DDX24: variants seen among roughly 807,000 people sequenced by gnomAD.
DDX24 encodes ATP-dependent RNA helicase DDX24.
In DDX24, 24 loss-of-function variants were observed where a neutral mutation model predicts 68.9. The ratio of observed to expected loss-of-function variants is 0.35; its 90% CI spans 0.25 to 0.49. The LOEUF is 0.49. Among genes scored for constraint, DDX24 ranks in the 20% least tolerant of loss-of-function variants. DDX24 has a pLI of 0.99. For missense variants in DDX24, 989 were observed against 1,039.0 expected (o/e 0.95, Z 0.66); for synonymous variants, 395 against 385.2 (o/e 1.03, Z -0.30).
At chr14:94,070,164 G>A (rs1482506294) in intron 2 of DDX24, among the ~76,000 whole-genome samples, 1 of 152,020 alleles carries the variant, frequency 6.6e-6, no homozygotes, top group East Asian at 1.9e-4. Flanking sequence ...ATTCAGCAAA[G>A]TTTCCGGATA....
chr14:94,079,621 T>G lies in DDX24; in HGVS notation c.122A>C (p.Asp41Ala). 1 of 1,614,168 alleles carries G rather than the reference T, an allele frequency of 6.2e-7. No individual in the cohort carries two copies. Among genetic ancestry groups the G allele is most frequent in the Non-Finnish European group, 8.5e-7 (1 of 1,180,038 alleles). The change falls in exon 2 of 9, where the codon GAT (aspartate) becomes GCT (alanine). Residue 41 changes from aspartate to alanine, a missense_variant. Around this residue, in one of 3 missense-constraint regions of DDX24, gnomAD observed 295 missense variants for 263.0 expected, o/e 1.12. Coordinates refer to ENST00000621632, the MANE Select transcript of DDX24 (RefSeq NM_020414.4). ...GCACACCAAGTCATCCATCTGTCCA[T>G]CTGCAAACATATTTGGGTCAATCTT... ...EVKIDPNMFADGQMDDLVCFE... is the reference protein window; with the variant it reads ...EVKIDPNMFAAGQMDDLVCFE...
chr14:94,077,087 A>G (rs1350854590), intron 2 of DDX24, among the ~76,000 whole-genome samples: 1 of 152,254 alleles, frequency 6.6e-6, no homozygotes, highest in Non-Finnish European at 1.5e-5. Flanking sequence ...AAAGTATATA[A>G]TACAAAATAT....
chr14:94,060,503 G>C lies in DDX24; in HGVS notation c.1508C>G (p.Thr503Arg). 6.2e-7 allele frequency: 1 copy of C among 1,614,114 alleles called. No homozygotes were observed. Among genetic ancestry groups the C allele is most frequent in the Non-Finnish European group, 8.5e-7 (1 of 1,180,026 alleles). Reference protein sequence around the residue: ...NDSQYNPKRQTLVFSATLTLV... With the variant: ...NDSQYNPKRQRLVFSATLTLV... ...GGTGAGTGTGGCAGAAAAAACAAGCGTTTGTCTCTTTGGGTTGTATTGGGA... is the reference window on the plus strand; with the variant it reads ...GGTGAGTGTGGCAGAAAAAACAAGCCTTTGTCTCTTTGGGTTGTATTGGGA... The change falls in exon 5 of 9, where the codon ACG becomes AGG. Residue 503 changes from threonine to arginine, a missense_variant. Thr to Arg is a moderately conservative substitution (Grantham distance 71). Around this residue, in one of 3 missense-constraint regions of DDX24, gnomAD observed 691 missense variants for 760.0 expected, o/e 0.91. Transcript: ENST00000621632.
chr14:94,080,140 G>A (rs1242957245), intron 1 of DDX24, among the ~76,000 whole-genome samples: 2 of 152,182 alleles, frequency 1.3e-5, no homozygotes, highest in Non-Finnish European at 2.9e-5. Context: ...AAGCACGGAG[G>A]ATGAAACCTG....
intron 5 of DDX24, among the ~76,000 whole-genome samples, chr14:94,058,658 A>G (rs184704950): frequency 6.6e-6 from 1 of 152,328 alleles, no homozygotes; most frequent in East Asian, 1.9e-4. Flanking sequence ...ATGGAAAGTC[A>G]AAAGTACTTG....
chr14:94,072,329 T>C (rs889866029), intron 2 of DDX24, among the ~76,000 whole-genome samples: 1 of 152,208 alleles, frequency 6.6e-6, no homozygotes, highest in African/African-American at 2.4e-5. Context: ...GAGACTATTA[T>C]TCTAAGTGAG....
At chr14:94,069,489 G>C (rs1188126245) in intron 2 of DDX24, among the ~76,000 whole-genome samples, 1 of 152,050 alleles carries the variant, frequency 6.6e-6, no homozygotes, top group Admixed American at 6.5e-5. Context: ...GAGAAAGAAG[G>C]AACCCTCCCT....
chr14:94,081,096 AC>A (rs1211649625), intron 1 of DDX24, 22 bp downstream of exon 1: 2 of 152,166 alleles, frequency 1.3e-5, no homozygotes, highest in African/African-American at 4.8e-5. Flanking sequence ...GTCGGCTCCA[AC>A]CCCGCTCGTT....
intron 5 of DDX24, among the ~76,000 whole-genome samples, chr14:94,059,181 G>A (rs2141424800): frequency 6.6e-6 from 1 of 152,330 alleles, no homozygotes; most frequent in Non-Finnish European, 1.5e-5. Flanking sequence ...TTAAAAACCA[G>A]TAAATCAAAC....
In DDX24 at chr14:94,062,314, A is replaced by G. The variant is rs777767416; in HGVS notation, c.1026T>C (p.Ser342=). 5 of 1,614,232 alleles carry G rather than the reference A, an allele frequency of 3.1e-6. No homozygotes were observed. Among genetic ancestry groups the G allele is most frequent in the Middle Eastern group, 1.6e-4 (1 of 6,062 alleles). The change falls in exon 3 of 9, where the codon TCT becomes TCC. Residue 342 remains serine (S), a synonymous_variant. Coordinates refer to ENST00000621632, the MANE Select transcript of DDX24 (RefSeq NM_020414.4). ...GAACAGGTTTCTCCCTGATCAGGGAAGAAGGCCCTTCACCAGCATCATCGT... is the reference window on the plus strand; with the variant it reads ...GAACAGGTTTCTCCCTGATCAGGGAGGAAGGCCCTTCACCAGCATCATCGT... The part of the protein sequence containing the change: ...FGDDDAGEGP[S]SLIREKPVPK...
At chr14:94,068,175 A>G (rs11848432) in intron 2 of DDX24, among the ~76,000 whole-genome samples, 81,393 of 152,000 alleles carry the variant, frequency 0.54, 23,808 homozygotes, top group African/African-American at 0.79. Flanking sequence ...AAAGGCATTT[A>G]ATGCAAATGG....
At chr14:94,052,883 G>C (rs759030743) in intron 8 of DDX24, 115 bp downstream of exon 8, 1 of 1,415,074 alleles carries the variant, frequency 7.1e-7, no homozygotes, top group Non-Finnish European at 9.5e-7. Flanking sequence ...GCAAAGAGGG[G>C]GAAGGACGCC....
At chr14:94,060,028 C>G in intron 5 of DDX24, 70 bp downstream of exon 5, 1 of 1,508,850 alleles carries the variant, frequency 6.6e-7, no homozygotes, top group East Asian at 2.3e-5. Flanking sequence ...TACCATTTCC[C>G]CACCATCCTG....
rs1278082175 is a variant in DDX24, at chr14:94,079,634, T to G, written c.109A>C (p.Asn37His). Residue 37 changes from asparagine to histidine, a missense_variant, in exon 2 of 9, where the codon AAT becomes CAT. Physicochemically the swap from Asn to His is moderately conservative, Grantham distance 68. Coordinates refer to ENST00000621632, the MANE Select transcript of DDX24 (RefSeq NM_020414.4). ...GKWKEVKIDP[N>H]MFADGQMDDL... ...TCCATCTGTCCATCTGCAAACATAT[T>G]TGGGTCAATCTTCACTTCCTTCCAT... 1.9e-6 allele frequency: 3 copies of G among 1,614,106 alleles called. No homozygotes were observed. In the African/African-American group the frequency reaches 4.0e-5, roughly 22 times the overall value.
At chr14:94,060,777 C>A (rs1004697740) in intron 4 of DDX24, 136 bp downstream of exon 4, 30 of 1,477,116 alleles carry the variant, frequency 2.0e-5, no homozygotes, top group Non-Finnish European at 2.3e-5. Context: ...GCACTCTTGG[C>A]TTTCTAAAGG....
At chr14:94,079,891 G>C in intron 1 of DDX24, 144 bp from the exon 2 acceptor site, 2 of 760,766 alleles carry the variant, frequency 2.6e-6, no homozygotes, top group Non-Finnish European at 4.4e-6. Context: ...ACCTAGAGAA[G>C]AACAAAGAAT....
rs768943952 is a variant in DDX24 at position 94,060,606 on chromosome 14, C to T, written c.1405G>A (p.Val469Ile). 12 of 1,612,634 alleles carry T rather than the reference C, an allele frequency of 7.4e-6. No individual in the cohort carries two copies. Among genetic ancestry groups the T allele is most frequent in the South Asian group, 1.1e-5 (1 of 91,018 alleles). Residue 469 changes from valine to isoleucine, a missense_variant, in exon 5 of 9, where the codon GTA becomes ATA. This residue lies in a region of DDX24 where 691 missense variants were observed against 760.0 expected (regional missense o/e 0.91). Transcript: ENST00000621632. ...LRNLRQLRCL[V>I]VDEADRMVEK... The stretch of plus-strand genomic sequence containing the variant: ...ACCATCCGGTCAGCCTCATCCACTA[C>T]CAGGCACCTGCAGATCCAGAGAGAC...
At position 94,051,248 on chromosome 14, in the gene DDX24, T is replaced by G. The variant is rs148962832; in HGVS notation, c.2523A>C (p.Thr841=). 7 of 1,595,038 alleles carry G rather than the reference T, an allele frequency of 4.4e-6. No homozygotes were observed. The highest frequency in any genetic ancestry group is 1.7e-6 in the Non-Finnish European group (2 of 1,171,786). The change falls in exon 9 of 9, where the codon ACA becomes ACC. Residue 841 remains threonine, a synonymous_variant. Coordinates refer to ENST00000621632, the MANE Select transcript of DDX24 (RefSeq NM_020414.4). ...CCGGCTGTGGCTCCTTCGGCTTCTT[T>G]GTCTTCTTCTTCTTCTGCTTGGAGA... ...SCLSKQKKKK[T]KKPKEPQPEQ...
chr14:94,074,858 TCTA>T (rs1047521288), intron 2 of DDX24, among the ~76,000 whole-genome samples: 1 of 152,180 alleles, frequency 6.6e-6, no homozygotes, highest in African/African-American at 2.4e-5. Flanking sequence ...CCATCATATT[TCTA>T]CTTATTGGCG....
Sources: allele counts gnomAD v4.1 joint callset (sites outside exome capture counted in the v4.1 genomes callset), GRCh38; gene constraint gnomAD v4.1.1; regional missense constraint gnomAD v4.1.1; transcripts MANE v1.5; gene names NCBI Gene and HGNC (gene_info 2026-07-23, HGNC 2026-07-21).